The following SLC31A1 variants were observed in gnomAD, a reference collection of about 807,000 sequenced individuals.
SLC31A1 encodes the protein high affinity copper uptake protein 1.
Under a neutral mutation model 17.2 loss-of-function variants are expected in SLC31A1, and 5 were observed. The ratio of observed to expected loss-of-function variants is 0.29; its 90% CI spans 0.15 to 0.61. The LOEUF is 0.61. SLC31A1 is among the 20% of genes least tolerant of loss of function. The pLI, the probability that SLC31A1 is intolerant of heterozygous loss-of-function variation, is 0.86. For synonymous variants in SLC31A1, 76 were observed against 78.8 expected (o/e 0.96, Z 0.19); for missense variants, 161 against 241.4 (o/e 0.67, Z 2.21).
rs563113476 is a variant in SLC31A1, at chr9:113,223,347, G to T, written c.-36+1669G>T. 5.5e-5 allele frequency: 21 copies of T among 378,852 alleles called. 1 individual carries two copies. In the Admixed American group the frequency reaches 7.5e-4, roughly 14 times the overall value. 23.5% of individuals were successfully genotyped at this position (378,852 alleles called of 1,614,324 possible). The stretch of plus-strand genomic sequence containing the variant: ...GCACCTAAAAAAAAAAAAAAAGAAA[G>T]CCACTGTCTTCCTAAATTCGTGTAT... On this transcript the variant is annotated intron_variant, in intron 1 of 4. Transcript: ENST00000374212.
chr9:113,237,921 C>G (rs922627913), intron 1 of SLC31A1, among the ~76,000 whole-genome samples: 3 of 152,160 alleles, frequency 2.0e-5, no homozygotes, highest in African/African-American at 7.2e-5. Context: ...TTACCTAAGC[C>G]TTATAGTGAA....
intron 1 of SLC31A1, chr9:113,227,430 T>C (rs1831353308): frequency 6.6e-6 from 1 of 152,060 alleles, no homozygotes; most frequent in African/African-American, 2.4e-5. Flanking sequence ...TTTTTTGTAT[T>C]TTTGATAGAG....
chr9:113,224,466 T>C (rs1371925507), intron 1 of SLC31A1, among the ~76,000 whole-genome samples: 2 of 151,982 alleles, frequency 1.3e-5, no homozygotes. Flanking sequence ...TTCGCTCTTG[T>C]TGCCCAGGCT....
chr9:113,224,760 G>C (rs977843233), intron 1 of SLC31A1, among the ~76,000 whole-genome samples: 6 of 152,188 alleles, frequency 3.9e-5, no homozygotes, highest in African/African-American at 1.4e-4. Context: ...TCTTTCGAAA[G>C]CATTCAGTGT....
rs1831808356 is a variant in SLC31A1 at position 113,262,778 on chromosome 9, T to A, written c.*2305T>A. 6.6e-6 allele frequency: 1 copy of A among 152,528 alleles called. No homozygotes were observed. The highest frequency in any genetic ancestry group is 1.5e-5 in the Non-Finnish European group (1 of 68,038). The allele number at this position is 152,528 out of a possible 1,614,324, so 9.4% of individuals were successfully genotyped here. ...GAGTCATAAAACCATGAGAAATAAATAGGAATCAATAGTTAGTAGTGACAT... is the reference window on the plus strand; with the variant it reads ...GAGTCATAAAACCATGAGAAATAAAAAGGAATCAATAGTTAGTAGTGACAT... On this transcript the variant is annotated 3_prime_UTR_variant, in exon 5 of 5. Transcript: ENST00000374212.
At position 113,263,374 on chromosome 9, in the gene SLC31A1, A is replaced by G. The variant is rs1462267253; in HGVS notation, c.*2901A>G. The stretch of plus-strand genomic sequence containing the variant: ...CATCTTGAGCTCTTGGATTGTGATA[A>G]TACAATGATTTCATTAACTTTTCAT... On this transcript the variant is annotated 3_prime_UTR_variant, in exon 5 of 5. Transcript: ENST00000374212. 3 of 152,500 alleles carry G rather than the reference A, an allele frequency of 2.0e-5. No individual in the cohort carries two copies. The highest frequency in any genetic ancestry group is 7.2e-5 in the African/African-American group (3 of 41,452). 9.4% of individuals were successfully genotyped at this position (152,500 alleles called of 1,614,324 possible). A position where few individuals can be genotyped will look rare whatever the true frequency, so the allele number is the denominator to read the frequency against.
In SLC31A1 at chr9:113,261,710, T is replaced by G. The variant is rs1010927350; in HGVS notation, c.*1237T>G. Reference sequence around the variant, plus strand: ...TAGGGCTTGTTAAAACACTAATTGCTGGGCCTCAACCCAAAAGCCCCCAAA... The same window carrying G: ...TAGGGCTTGTTAAAACACTAATTGCGGGGCCTCAACCCAAAAGCCCCCAAA... On this transcript the variant is annotated 3_prime_UTR_variant, in exon 5 of 5. Coordinates refer to ENST00000374212, the MANE Select transcript of SLC31A1 (RefSeq NM_001859.4). 8 of 152,534 alleles carry G rather than the reference T, an allele frequency of 5.2e-5. No homozygotes were observed. The highest frequency in any genetic ancestry group is 1.9e-4 in the African/African-American group (8 of 41,456). 9.4% of individuals were successfully genotyped at this position (152,534 alleles called of 1,614,324 possible).
chr9:113,224,580 C>T (rs1831320387), intron 1 of SLC31A1, among the ~76,000 whole-genome samples: 1 of 152,154 alleles, frequency 6.6e-6, no homozygotes, highest in African/African-American at 2.4e-5. Context: ...AGGCATGTGC[C>T]ACCATGCCCG....
intron 1 of SLC31A1, among the ~76,000 whole-genome samples, chr9:113,246,915 C>T (rs1233585200): frequency 1.3e-5 from 2 of 151,802 alleles, no homozygotes; most frequent in South Asian, 2.1e-4. Flanking sequence ...GCTGAGATTA[C>T]AGGCGTGAGC....
rs1274111093 is a variant in SLC31A1 at position 113,263,910 on chromosome 9, G to A, written c.*3437G>A. 6.6e-6 allele frequency: 1 copy of A among 152,206 alleles called. No individual in the cohort carries two copies. Among genetic ancestry groups the A allele is most frequent in the Non-Finnish European group, 1.5e-5 (1 of 68,054 alleles). 9.4% of individuals were successfully genotyped at this position (152,206 alleles called of 1,614,324 possible). ...ATTCCCTTTCAGGCTGTGGGTACTG[G>A]TCTTGGGTTCTAGTCATAAGGGGTT... On this transcript the variant is annotated 3_prime_UTR_variant, in exon 5 of 5. Coordinates refer to ENST00000374212, the MANE Select transcript of SLC31A1 (RefSeq NM_001859.4).
chr9:113,252,668 A>C, intron 1 of SLC31A1, among the ~76,000 whole-genome samples: 1 of 152,106 alleles, frequency 6.6e-6, no homozygotes, highest in East Asian at 1.9e-4. Flanking sequence ...TTCCCTTTCT[A>C]GCTTTTAGCC....
intron 1 of SLC31A1, among the ~76,000 whole-genome samples, chr9:113,248,174 A>T (rs1275354695): frequency 6.6e-6 from 1 of 152,016 alleles, no homozygotes; most frequent in Admixed American, 6.6e-5. Flanking sequence ...CAACAAAAAA[A>T]TTAGCCAGGT....
intron 1 of SLC31A1, among the ~76,000 whole-genome samples, chr9:113,234,200 CT>C (rs879470601): frequency 2.9e-4 from 43 of 147,234 alleles, no homozygotes; most frequent in Admixed American, 4.1e-4. Context: ...TTTTGTTTGA[CT>C]TTTTTTTTTT....
intron 1 of SLC31A1, 69 bp downstream of exon 1, chr9:113,221,747 G>C: frequency 4.8e-6 from 1 of 206,652 alleles, no homozygotes; most frequent in Admixed American, 5.4e-5. Flanking sequence ...AGCGGGACAA[G>C]GACCTTCCTC....
At position 113,263,475 on chromosome 9, in the gene SLC31A1, C is replaced by T. The variant is rs190070889; in HGVS notation, c.*3002C>T. On this transcript the variant is annotated 3_prime_UTR_variant, in exon 5 of 5. Coordinates refer to ENST00000374212, the MANE Select transcript of SLC31A1 (RefSeq NM_001859.4). Reference sequence around the variant, plus strand: ...TTGGATCTAAACTTCTCTTTTCTTCCTTCCCCATTCACATCTATTAGAAGA... The same window carrying T: ...TTGGATCTAAACTTCTCTTTTCTTCTTTCCCCATTCACATCTATTAGAAGA... 3 of 152,614 alleles carry T rather than the reference C, an allele frequency of 2.0e-5. No homozygotes were observed. Among genetic ancestry groups the T allele is most frequent in the East Asian group, 1.9e-4 (1 of 5,174 alleles). 9.5% of individuals were successfully genotyped at this position (152,614 alleles called of 1,614,324 possible).
Position 113,256,232 on chromosome 9 carries a change from A to G in SLC31A1, c.84A>G (p.Ser28=), listed in dbSNP as rs1831726998. The G allele has an allele frequency of 3.7e-6, 6 of 1,613,768 alleles. No homozygotes were observed. Among genetic ancestry groups the G allele is most frequent in the Non-Finnish European group, 5.1e-6 (6 of 1,180,022 alleles). The change falls in exon 2 of 5, where the codon TCA becomes TCG. Residue 28 remains serine, a synonymous_variant. Coordinates refer to ENST00000374212, the MANE Select transcript of SLC31A1 (RefSeq NM_001859.4). The part of the protein sequence containing the change: ...MQPSHHHPTT[S]ASHSHGGGDS... ...CTTCTCACCATCACCCAACCACTTC[A>G]GCCTCACACTCCCATGGTGGAGGAG...
At chr9:113,241,529 C>A (rs1831521154) in intron 1 of SLC31A1, among the ~76,000 whole-genome samples, 1 of 152,176 alleles carries the variant, frequency 6.6e-6, no homozygotes, top group Non-Finnish European at 1.5e-5. Context: ...TTGTGTATTA[C>A]TGAGGAGCAC....
Position 113,260,550 on chromosome 9 carries a change from A to G in SLC31A1, c.*77A>G, listed in dbSNP as rs544662898. ...ACTTGAAGACGTGATTCCTGCTCCA[A>G]TCATCCCTTCTTGCTCCTCTTTGTG... On this transcript the variant is annotated 3_prime_UTR_variant, in exon 5 of 5. Transcript: ENST00000374212. 458 of 1,132,624 alleles carry G rather than the reference A, an allele frequency of 4.0e-4. 1 individual carries two copies. Among genetic ancestry groups the G allele is most frequent in the African/African-American group, 3.8e-3 (244 of 63,888 alleles). The allele number at this position is 1,132,624 out of a possible 1,614,324, so 70.2% of individuals were successfully genotyped here.
At position 113,258,903 on chromosome 9, in the gene SLC31A1, G is replaced by C; in HGVS notation, c.371+41G>C. ...ATCCAGATGAAGTCCTAAAGAACTC[G>C]ATCAGTTAAGCAGCAAAGCGCAGCT... On this transcript the variant is annotated intron_variant, in intron 4 of 4. Coordinates refer to ENST00000374212, the MANE Select transcript of SLC31A1 (RefSeq NM_001859.4). This position sits in a 1 kb window ranked among gnomAD's most constrained non-coding sequence, Gnocchi z 4.8. The C allele has an allele frequency of 1.9e-6, 3 of 1,600,224 alleles. No homozygotes were observed. The highest frequency in any genetic ancestry group is 2.6e-6 in the Non-Finnish European group (3 of 1,167,398).
Sources: allele counts gnomAD v4.1 joint callset (sites outside exome capture counted in the v4.1 genomes callset), GRCh38; gene constraint gnomAD v4.1.1; non-coding constraint Gnocchi (gnomAD v3.1); transcripts MANE v1.5; gene names NCBI Gene and HGNC (gene_info 2026-07-23, HGNC 2026-07-21).